The following LRRC7 variants were observed in gnomAD, a reference collection of about 807,000 sequenced individuals.
LRRC7 encodes the protein leucine-rich repeat-containing protein 7.
In LRRC7, 23 loss-of-function variants were observed where a neutral mutation model predicts 175.7. The ratio of observed to expected loss-of-function variants is 0.13; its 90% confidence interval spans 0.09 to 0.19. The LOEUF is 0.19. Among genes scored for constraint, LRRC7 ranks in the 10% least tolerant of loss-of-function variants. LRRC7 has a pLI of 1.00. For synonymous variants in LRRC7, 685 were observed against 680.9 expected, an observed-to-expected ratio of 1.01 and a Z score of -0.09; for missense variants, 1,354 against 1,904.7, an observed-to-expected ratio of 0.71 and a Z score of 5.38.
chr1:69,576,057 T>C (rs1645933167), intron 1 of LRRC7, among the ~76,000 whole-genome samples: 1 of 125,578 alleles, frequency 8.0e-6, no homozygotes, highest in Non-Finnish European at 1.6e-5. Context: ...TATAGTGAGA[T>C]GTTGTATCTA....
chr1:69,973,535 CAAAATA>C (rs1652487777), intron 8 of LRRC7, among the ~76,000 whole-genome samples: 1 of 152,124 alleles, frequency 6.6e-6, no homozygotes, highest in South Asian at 2.1e-4. Context: ...TGCAGTCATA[CAAAATA>C]TATATTTTCT....
intron 2 of LRRC7, among the ~76,000 whole-genome samples, chr1:69,759,599 G>A (rs112586292): frequency 1.2e-3 from 176 of 151,998 alleles, no homozygotes; most frequent in African/African-American, 4.1e-3. Context: ...TAGTTTCAAC[G>A]GAATAAAAAC....
intron 24 of LRRC7, among the ~76,000 whole-genome samples, chr1:70,080,756 G>A (rs1424152387): frequency 6.6e-6 from 1 of 152,194 alleles, no homozygotes; most frequent in Non-Finnish European, 1.5e-5. Context: ...TTGAAAAGGA[G>A]ATTTTAGTGC....
intron 8 of LRRC7, among the ~76,000 whole-genome samples, chr1:69,940,679 C>G (rs568515232): frequency 2.6e-5 from 4 of 152,112 alleles, no homozygotes; most frequent in Non-Finnish European, 5.9e-5. Context: ...ATTCTGCAAG[C>G]AAGGAGTAAA....
Position 70,142,948 on chromosome 1 carries a change from A to AATTG in LRRC7, c.*21065_*21068dup, listed in dbSNP as rs1231023590. The AATTG allele has an allele frequency of 4.6e-5, 7 of 152,192 alleles. No individual in the cohort carries two copies. The highest frequency in any genetic ancestry group is 2.1e-4 in the South Asian group (1 of 4,828). 9.4% of individuals were successfully genotyped at this position (152,192 alleles called of 1,614,324 possible). A position where few individuals can be genotyped will look rare whatever the true frequency, so the allele number is the denominator to read the frequency against. On this transcript the variant is annotated 3_prime_UTR_variant, in exon 27 of 27. Transcript: ENST00000651989. ...ATTATTTTTTCCTAAACGATTTCAT[A>AATTG]ATTGATTACTTTTGACCTCAGTTAT...
chr1:69,588,985 C>CTGTGTGTGTGTGTG (rs138325158), intron 1 of LRRC7, among the ~76,000 whole-genome samples: 8,831 of 131,054 alleles, frequency 0.067, 344 homozygotes, highest in Non-Finnish European at 0.096. Flanking sequence ...CTGCTGGGGT[C>CTGTGTGTGTGTGTG]TGTGTGTGTG....
intron 13 of LRRC7, among the ~76,000 whole-genome samples, chr1:70,015,786 A>C (rs1257063649): frequency 6.6e-6 from 1 of 152,200 alleles, no homozygotes; most frequent in African/African-American, 2.4e-5. Context: ...TATCTACTAC[A>C]CATTGCATGA....
At chr1:69,628,716 C>A (rs1372153146) in intron 1 of LRRC7, among the ~76,000 whole-genome samples, 1 of 152,062 alleles carries the variant, frequency 6.6e-6, no homozygotes, top group Admixed American at 6.5e-5. Context: ...GTACTGAACT[C>A]CAACTACTAT....
chr1:69,642,877 G>T (rs886523827), intron 1 of LRRC7, among the ~76,000 whole-genome samples: 3 of 150,622 alleles, frequency 2.0e-5, no homozygotes, highest in African/African-American at 7.3e-5. Flanking sequence ...GATTGGAAGA[G>T]ATTTATTGTG....
At chr1:69,688,617 G>A (rs1387736986) in intron 2 of LRRC7, among the ~76,000 whole-genome samples, 1 of 148,076 alleles carries the variant, frequency 6.8e-6, no homozygotes, top group Admixed American at 6.8e-5. Flanking sequence ...TCTGTTTCTT[G>A]GATTCTTTTT....
At chr1:69,915,372 T>C (rs2101714900) in intron 7 of LRRC7, among the ~76,000 whole-genome samples, 1 of 152,310 alleles carries the variant, frequency 6.6e-6, no homozygotes, top group South Asian at 2.1e-4. Flanking sequence ...TGTGTTTTCA[T>C]AAATTAAGTA....
chr1:69,685,293 A>C (rs1278114098), intron 2 of LRRC7, among the ~76,000 whole-genome samples: 1 of 152,198 alleles, frequency 6.6e-6, no homozygotes, highest in Admixed American at 6.5e-5. Flanking sequence ...AAAGTCTCCT[A>C]ACATAATAAT....
chr1:69,691,688 C>T (rs1570376279), intron 2 of LRRC7, among the ~76,000 whole-genome samples: 1 of 150,194 alleles, frequency 6.7e-6, no homozygotes, highest in East Asian at 2.0e-4. Context: ...GTCCCAGATA[C>T]TCAGGAGGCT....
intron 3 of LRRC7, among the ~76,000 whole-genome samples, chr1:69,770,776 C>T (rs1672152959): frequency 6.6e-6 from 1 of 152,168 alleles, no homozygotes; most frequent in East Asian, 1.9e-4. Flanking sequence ...GTAGCCTTGG[C>T]ATAAGTAGCC....
intron 1 of LRRC7, among the ~76,000 whole-genome samples, chr1:69,651,471 G>T (rs1265316278): frequency 6.6e-6 from 1 of 152,100 alleles, no homozygotes; most frequent in African/African-American, 2.4e-5. Flanking sequence ...AAAAGCACTG[G>T]CAGATAAAAT....
chr1:70,111,995 A>G (rs1371075191), intron 26 of LRRC7, among the ~76,000 whole-genome samples: 1 of 152,166 alleles, frequency 6.6e-6, no homozygotes. Context: ...CCTTGTCATC[A>G]TTTTAAGGGT....
At chr1:69,867,415 A>G (rs1422803925) in intron 7 of LRRC7, among the ~76,000 whole-genome samples, 1 of 152,226 alleles carries the variant, frequency 6.6e-6, no homozygotes, top group Non-Finnish European at 1.5e-5. Flanking sequence ...TACCTAGTAC[A>G]GAGCCATACG....
intron 7 of LRRC7, among the ~76,000 whole-genome samples, chr1:69,888,258 G>A (rs1370477501): frequency 6.6e-6 from 1 of 152,160 alleles, no homozygotes. Context: ...TGCTGTGCTA[G>A]CAATCAGCGA....
At chr1:70,055,214 C>T (rs538071460) in intron 23 of LRRC7, among the ~76,000 whole-genome samples, 38 of 152,086 alleles carry the variant, frequency 2.5e-4, no homozygotes, top group East Asian at 1.4e-3. Context: ...ACCTGTTTAG[C>T]GAGGAAACTA....
Sources: gnomAD v4.1 joint callset for allele counts (sites outside exome capture counted in the v4.1 genomes callset) on GRCh38, gnomAD v4.1.1 for gene constraint, MANE v1.5 for transcripts, NCBI Gene and HGNC (gene_info 2026-07-23, HGNC 2026-07-21) for gene names.